The following EMC3 variants were observed in gnomAD, a reference collection of about 807,000 sequenced individuals.
EMC3 encodes the protein ER membrane protein complex subunit 3, also known as 30 kDa protein.
In EMC3, 13 loss-of-function variants were observed where a neutral mutation model predicts 36.6. The observed-to-expected ratio is 0.35, with a 90% confidence interval of 0.23 to 0.56. EMC3 has a LOEUF of 0.56. EMC3 is among the 20% of genes least tolerant of loss of function. EMC3 has a pLI of 0.84. For missense variants in EMC3, 220 were observed against 324.5 expected, an observed-to-expected ratio of 0.68 and a Z score of 2.47; for synonymous variants, 120 against 111.9, an observed-to-expected ratio of 1.07 and a Z score of -0.46.
chr3:9,989,679 A>C (rs1477884708), upstream of EMC3, among the ~76,000 whole-genome samples: 2 of 152,208 alleles, frequency 1.3e-5, no homozygotes, highest in Non-Finnish European at 2.9e-5. Flanking sequence ...AAGTACTCCA[A>C]ACACACTGTT....
intron 1 of EMC3, chr3:10,004,640 T>C (rs2086244092): frequency 6.6e-6 from 1 of 152,310 alleles, no homozygotes; most frequent in South Asian, 2.1e-4. Context: ...TAGACCCAGC[T>C]CCACCACGTG....
intron 1 of EMC3, chr3:10,010,404 T>TAA (rs769685446): frequency 8.0e-5 from 11 of 137,694 alleles, no homozygotes; most frequent in South Asian, 2.3e-4. Context: ...GAGACTCGTC[T>TAA]AAAAAAAAAA....
intron 3 of EMC3, 115 bp from the exon 4 acceptor site, chr3:9,974,603 G>A (rs886066559): frequency 3.8e-5 from 25 of 657,858 alleles, no homozygotes; most frequent in Non-Finnish European, 5.8e-5. Context: ...CTGTCGCCCA[G>A]GCTGGAGTGC....
At chr3:10,002,515 G>A (rs758754822) in intron 1 of EMC3, among the ~76,000 whole-genome samples, 15 of 151,976 alleles carry the variant, frequency 9.9e-5, no homozygotes, top group Non-Finnish European at 2.1e-4. Context: ...TGAACTCCTG[G>A]GATCAAGCAA....
chr3:9,996,779 C>G (rs1253856360), intron 1 of EMC3, among the ~76,000 whole-genome samples: 2 of 152,188 alleles, frequency 1.3e-5, no homozygotes, highest in Non-Finnish European at 2.9e-5. Context: ...TTATAACCTT[C>G]TGAGATGTTC....
chr3:9,988,114 T>C (rs3806664), upstream of EMC3: 523 of 552,574 alleles, frequency 9.5e-4, 6 homozygotes, highest in East Asian at 0.016. Context: ...CTACAAATAA[T>C]GGTACTATTA....
chr3:9,996,789 C>A (rs147522373), intron 1 of EMC3, among the ~76,000 whole-genome samples: 1 of 152,172 alleles, frequency 6.6e-6, no homozygotes, highest in Non-Finnish European at 1.5e-5. Context: ...CTGAGATGTT[C>A]TGAGAATTTA....
intron 1 of EMC3, among the ~76,000 whole-genome samples, chr3:10,010,712 T>C (rs1282114824): frequency 6.6e-6 from 1 of 152,196 alleles, no homozygotes; most frequent in African/African-American, 2.4e-5. Context: ...GTGCTAGGAC[T>C]GGGAGCCCTT....
Position 9,976,956 on chromosome 3 carries a change from C to G in EMC3, c.307+1G>C. ...AAGATGAGTGAAGGGAACAAACATA[C>G]CAGTCATAGGAGAAGGTGGCACTAC... is the stretch of plus-strand genomic sequence containing the variant. On this transcript the variant is annotated splice_donor_variant, in intron 3 of 7. Coordinates refer to ENST00000245046, the MANE Select transcript of EMC3 (RefSeq NM_001394674.1). LOFTEE classifies it high-confidence loss of function. The G allele has an allele frequency of 6.2e-7, 1 of 1,604,810 alleles. No individual in the cohort carries two copies. Among genetic ancestry groups the G allele is most frequent in the Non-Finnish European group, 8.5e-7 (1 of 1,175,660 alleles).
chr3:9,977,131 C>T lies in EMC3; in HGVS notation c.214-81G>A, dbSNP rs1311662177. 3.3e-5 allele frequency: 38 copies of T among 1,139,068 alleles called. No homozygotes were observed. In the Admixed American group the frequency reaches 7.7e-4, roughly 23 times the overall value. The allele number at this position is 1,139,068 out of a possible 1,614,324, so 70.6% of individuals were successfully genotyped here. A position where few individuals can be genotyped will look rare whatever the true frequency, so the allele number is the denominator to read the frequency against. On this transcript the variant is annotated intron_variant, in intron 2 of 7. Coordinates refer to ENST00000245046, the MANE Select transcript of EMC3 (RefSeq NM_001394674.1). ...TTAAATTACTCCCCAGTGGCTTAGT[C>T]AGAAGGCCTTTAGGATATGCTGTTC...
At chr3:9,968,571 C>T (rs944969543) in intron 7 of EMC3, 1 of 152,136 alleles carries the variant, frequency 6.6e-6, no homozygotes, top group Non-Finnish European at 1.5e-5. Context: ...AAAGGGAAAG[C>T]TTTCAGTCTT....
intron 6 of EMC3, 33 bp from the exon 7 acceptor site, chr3:9,969,834 G>T (rs1317514919): frequency 4.3e-6 from 7 of 1,609,534 alleles, no homozygotes; most frequent in African/African-American, 4.0e-5. Flanking sequence ...ATGAGTGCCA[G>T]GACTCAGCAA....
At chr3:9,978,597 C>T (rs138304537) in intron 1 of EMC3, among the ~76,000 whole-genome samples, 28 of 152,046 alleles carry the variant, frequency 1.8e-4, no homozygotes, top group Non-Finnish European at 2.6e-4. Context: ...TTTGGGAGGC[C>T]GAGGTGGGCG....
intron 3 of EMC3, 45 bp from the exon 4 acceptor site, chr3:9,974,533 T>G: frequency 7.6e-7 from 1 of 1,307,740 alleles, no homozygotes; most frequent in Non-Finnish European, 1.1e-6. Context: ...TTTACCTCTG[T>G]TGCCAGGGAC....
chr3:9,969,837 C>A (rs771887667), intron 6 of EMC3, 36 bp from the exon 7 acceptor site: 17 of 1,608,774 alleles, frequency 1.1e-5, no homozygotes, highest in Non-Finnish European at 1.4e-5. Context: ...AGTGCCAGGA[C>A]TCAGCAAGCA....
chr3:9,966,157 G>C (rs1337592897), intron 7 of EMC3, among the ~76,000 whole-genome samples: 1 of 151,702 alleles, frequency 6.6e-6, no homozygotes, highest in Non-Finnish European at 1.5e-5. Context: ...CATCCTTACC[G>C]ACACTTGTTA....
intron 6 of EMC3, 137 bp downstream of exon 6, chr3:9,970,445 T>C: frequency 1.0e-6 from 1 of 973,378 alleles, no homozygotes; most frequent in East Asian, 2.4e-5. Context: ...TCTTTCAGAA[T>C]ACCTCAGAAA....
At chr3:9,964,589 A>T (rs1387201686) in intron 7 of EMC3, among the ~76,000 whole-genome samples, 4 of 152,236 alleles carry the variant, frequency 2.6e-5, no homozygotes, top group Admixed American at 2.6e-4. Context: ...ATTAGTGCAG[A>T]TTCTCAGCTC....
At chr3:9,974,609 A>C (rs911576879) in intron 3 of EMC3, 121 bp from the exon 4 acceptor site, 15 of 629,898 alleles carry the variant, frequency 2.4e-5, no homozygotes, top group Non-Finnish European at 3.9e-5. Flanking sequence ...CCCAGGCTGG[A>C]GTGCAGTGGT....
Sources: allele counts gnomAD v4.1 joint callset (sites outside exome capture counted in the v4.1 genomes callset), GRCh38; gene constraint gnomAD v4.1.1; transcripts MANE v1.5; gene names NCBI Gene and HGNC (gene_info 2026-07-23, HGNC 2026-07-21).